The following TBC1D22B variants were observed in gnomAD, a reference collection of about 807,000 sequenced individuals.
TBC1D22B encodes the protein TBC1 domain family member 22B.
TBC1D22B carries 32 observed loss-of-function variants against 69.1 expected under a neutral mutation model. The ratio of observed to expected loss-of-function variants is 0.46; its 90% CI spans 0.35 to 0.62. The LOEUF is 0.62. Among genes scored for constraint, TBC1D22B ranks in the 20% least tolerant of loss-of-function variants. TBC1D22B has a pLI of 0.00. For missense variants in TBC1D22B, 462 were observed against 630.9 expected, an observed-to-expected ratio of 0.73 and a Z score of 2.87; for synonymous variants, 206 against 229.8, an observed-to-expected ratio of 0.90 and a Z score of 0.94.
intron 4 of TBC1D22B, 132 bp downstream of exon 4, chr6:37,282,496 G>T: frequency 9.2e-7 from 1 of 1,083,318 alleles, no homozygotes. Flanking sequence ...CCATTGCAGT[G>T]ACATGCAGGT....
chr6:37,293,084 A>ATTT lies in TBC1D22B; in HGVS notation c.982+1736_982+1738dup, dbSNP rs1164959921. On this transcript the variant is annotated intron_variant, in intron 8 of 12. Coordinates refer to ENST00000373491, the MANE Select transcript of TBC1D22B (RefSeq NM_017772.4). ...TTTCATTATTATTATTATTATTATT[A>ATTT]TTTTTTTTTTTGAGACAGAGTCTCG... Among the ~76,000 whole-genome samples the ATTT allele has an allele frequency of 1.3e-3, 182 of 143,470 alleles. 2 individuals are homozygous for ATTT. The highest frequency in any genetic ancestry group is 4.1e-3 in the African/African-American group (158 of 38,076). The allele number at this position is 143,470 out of a possible 152,430, so 94.1% of individuals were successfully genotyped here.
chr6:37,326,555 G>A (rs1452665178), intron 12 of TBC1D22B, among the ~76,000 whole-genome samples: 1 of 152,126 alleles, frequency 6.6e-6, no homozygotes, highest in Non-Finnish European at 1.5e-5. Flanking sequence ...TTGGGAGGCC[G>A]AGGTGGGCAG....
intron 8 of TBC1D22B, among the ~76,000 whole-genome samples, chr6:37,301,456 C>T (rs564284069): frequency 6.6e-6 from 1 of 152,322 alleles, no homozygotes; most frequent in African/African-American, 2.4e-5. Context: ...AGGGATTTCC[C>T]TATCCTGGAC....
At chr6:37,282,481 G>A in intron 4 of TBC1D22B, 117 bp downstream of exon 4, 1 of 1,222,644 alleles carries the variant, frequency 8.2e-7, no homozygotes. Flanking sequence ...CTCCTGACCT[G>A]GTGCCCATTG....
intron 2 of TBC1D22B, among the ~76,000 whole-genome samples, chr6:37,277,686 T>C (rs111502736): frequency 0.032 from 4,828 of 152,064 alleles, 242 homozygotes; most frequent in African/African-American, 0.11. Context: ...CAGGCTGATC[T>C]CAAACTCCTG....
chr6:37,322,827 G>A (rs1768288673), intron 12 of TBC1D22B, among the ~76,000 whole-genome samples: 1 of 152,080 alleles, frequency 6.6e-6, no homozygotes, highest in South Asian at 2.1e-4. Context: ...CAAAACCAAG[G>A]GGTTACAACG....
In TBC1D22B at chr6:37,298,309, G is replaced by A. The variant is rs544672528; in HGVS notation, c.982+6952G>A. 7.9e-5 allele frequency among the ~76,000 whole-genome samples: 12 copies of A among 152,170 alleles called. No individual in the cohort carries two copies. In the South Asian group the frequency reaches 2.5e-3, roughly 32 times the overall value. On this transcript the variant is annotated intron_variant, in intron 8 of 12. Coordinates refer to ENST00000373491, the MANE Select transcript of TBC1D22B (RefSeq NM_017772.4). ...TTCTTCCAGACCTTTTCCTATGTAT[G>A]GATGGAGCTGCATACATTGTTTTTC...
intron 10 of TBC1D22B, among the ~76,000 whole-genome samples, chr6:37,315,071 A>T (rs916229770): frequency 1.3e-5 from 2 of 152,074 alleles, no homozygotes; most frequent in African/African-American, 4.8e-5. Context: ...CTTCTGGGGG[A>T]TAAGCTGGCT....
intron 8 of TBC1D22B, among the ~76,000 whole-genome samples, chr6:37,300,219 C>G (rs1235341176): frequency 6.6e-6 from 1 of 151,910 alleles, no homozygotes; most frequent in Non-Finnish European, 1.5e-5. Flanking sequence ...TGTGAAATCT[C>G]TCTTCATAAT....
chr6:37,322,832 A>G (rs1284348121), intron 12 of TBC1D22B, among the ~76,000 whole-genome samples: 1 of 152,196 alleles, frequency 6.6e-6, no homozygotes, highest in Non-Finnish European at 1.5e-5. Flanking sequence ...CCAAGGGGTT[A>G]CAACGGGGAG....
intron 8 of TBC1D22B, among the ~76,000 whole-genome samples, chr6:37,307,937 C>T (rs1767787663): frequency 6.6e-6 from 1 of 152,194 alleles, no homozygotes; most frequent in South Asian, 2.1e-4. Context: ...CTTCCTAAAA[C>T]TGTCAGGGAA....
In TBC1D22B at chr6:37,282,312, A is replaced by T; in HGVS notation, c.549A>T (p.Lys183Asn). 6.2e-7 allele frequency: 1 copy of T among 1,613,588 alleles called. No individual in the cohort carries two copies. Among genetic ancestry groups the T allele is most frequent in the African/African-American group, 1.3e-5 (1 of 74,996 alleles). ...CCCCCCCAATGACTGTCCGGGAGAA[A>T]ACCCGCCTAGAAAAATTCCGTCAAC... ...SGAPPMTVREKTRLEKFRQLL... is the reference protein window; with the variant it reads ...SGAPPMTVRENTRLEKFRQLL... The change falls in exon 4 of 13, where the codon AAA becomes AAT. Residue 183 changes from lysine (K) to asparagine (N), a missense_variant. By Grantham distance (94) the Lys-to-Asn change is moderately conservative. Around this residue, in one of 2 missense-constraint regions of TBC1D22B, gnomAD observed 237 missense variants for 255.4 expected, o/e 0.93. Transcript: ENST00000373491.
At chr6:37,328,542 C>T (rs1344028450) in intron 12 of TBC1D22B, among the ~76,000 whole-genome samples, 1 of 151,896 alleles carries the variant, frequency 6.6e-6, no homozygotes, top group African/African-American at 2.4e-5. Flanking sequence ...AAAATATCTA[C>T]AAGGAATTTT....
rs997912056 is a variant in TBC1D22B at position 37,332,273 on chromosome 6, C to G, written c.*1101C>G. 2.0e-5 allele frequency: 3 copies of G among 152,632 alleles called. No homozygotes were observed. The highest frequency in any genetic ancestry group is 2.9e-5 in the Non-Finnish European group (2 of 68,108). 9.5% of individuals were successfully genotyped at this position (152,632 alleles called of 1,614,324 possible). On this transcript the variant is annotated 3_prime_UTR_variant, in exon 13 of 13. Transcript: ENST00000373491. ...CTCGCCCCTTTCTTCACCCCGCCCC[C>G]CAACCCCCAGACTTTCCTGGAGCAT...
intron 2 of TBC1D22B, among the ~76,000 whole-genome samples, chr6:37,270,646 A>C (rs1766456753): frequency 6.6e-6 from 1 of 152,036 alleles, no homozygotes; most frequent in Non-Finnish European, 1.5e-5. Context: ...AGTGAATTTA[A>C]ATGAGGGGAT....
At chr6:37,259,855 A>G (rs1418051459) in intron 1 of TBC1D22B, among the ~76,000 whole-genome samples, 1 of 152,134 alleles carries the variant, frequency 6.6e-6, no homozygotes, top group Non-Finnish European at 1.5e-5. Context: ...TAAGTGAAAT[A>G]CCCTATTTGT....
At chr6:37,266,574 G>A (rs1049804520) in intron 1 of TBC1D22B, among the ~76,000 whole-genome samples, 15 of 151,064 alleles carry the variant, frequency 9.9e-5, no homozygotes, top group Admixed American at 2.0e-4. Context: ...CCATTCTCCC[G>A]CCTCAGCCTC....
chr6:37,296,746 A>G (rs1311604060), intron 8 of TBC1D22B, among the ~76,000 whole-genome samples: 1 of 152,022 alleles, frequency 6.6e-6, no homozygotes, highest in Admixed American at 6.6e-5. Flanking sequence ...TTATGCATAA[A>G]TTTTTTATAT....
chr6:37,305,271 T>C (rs1163988352), intron 8 of TBC1D22B, among the ~76,000 whole-genome samples: 1 of 152,180 alleles, frequency 6.6e-6, no homozygotes, highest in African/African-American at 2.4e-5. Context: ...CAAGAGGCCA[T>C]TCCTTTTCTG....
Sources: gnomAD v4.1 joint callset for allele counts (sites outside exome capture counted in the v4.1 genomes callset) on GRCh38, gnomAD v4.1.1 for gene constraint, gnomAD v4.1.1 regional missense constraint, MANE v1.5 for transcripts, NCBI Gene and HGNC (gene_info 2026-07-23, HGNC 2026-07-21) for gene names.